Variants in POU6F2 observed in about 807,000 individuals in gnomAD.
POU6F2 encodes the protein POU domain, class 6, transcription factor 2.
POU6F2 carries 31 observed loss-of-function variants against 71.3 expected under a neutral mutation model. The observed-to-expected ratio is 0.43, with a 90% confidence interval of 0.33 to 0.59. POU6F2 has a LOEUF of 0.59. Ranked by LOEUF, POU6F2 falls within the 20% of genes least tolerant of loss-of-function variation. The pLI, the probability that POU6F2 is intolerant of heterozygous loss-of-function variation, is 0.04. For synonymous variants in POU6F2, 347 were observed against 355.7 expected (o/e 0.98, Z 0.27); for missense variants, 783 against 856.8 (o/e 0.91, Z 1.07).
At chr7:39,416,212 TA>T (rs1787671016) in intron 6 of POU6F2, among the ~76,000 whole-genome samples, 1 of 152,150 alleles carries the variant, frequency 6.6e-6, no homozygotes, top group Non-Finnish European at 1.5e-5. Flanking sequence ...TTACTATGAT[TA>T]TTTTTGCTAA....
At chr7:39,257,981 G>A (rs1042043334) in intron 4 of POU6F2, among the ~76,000 whole-genome samples, 5 of 152,140 alleles carry the variant, frequency 3.3e-5, no homozygotes, top group Admixed American at 2.6e-4. Flanking sequence ...TACTATTTAC[G>A]TGTACATTTT....
intron 4 of POU6F2, among the ~76,000 whole-genome samples, chr7:39,269,083 T>C (rs1784299985): frequency 6.6e-6 from 1 of 152,206 alleles, no homozygotes; most frequent in Non-Finnish European, 1.5e-5. Context: ...TCTTTTTTGT[T>C]ATAGTTGAGG....
intron 1 of POU6F2, among the ~76,000 whole-genome samples, chr7:39,069,895 G>A (rs1584526995): frequency 3.3e-5 from 5 of 152,306 alleles, no homozygotes; most frequent in Non-Finnish European, 7.4e-5. Context: ...GAAAATTCAC[G>A]TATCAGTGGA....
intron 4 of POU6F2, among the ~76,000 whole-genome samples, chr7:39,284,491 A>G (rs1206210373): frequency 6.6e-6 from 1 of 152,254 alleles, no homozygotes; most frequent in East Asian, 1.9e-4. Context: ...TAATGTACAT[A>G]TGACCAGCTG....
rs370344611 is a variant in POU6F2, at chr7:39,245,844, G to A, written c.598+38224G>A. 7.0e-4 allele frequency among the ~76,000 whole-genome samples: 107 copies of A among 152,268 alleles called. 1 individual carries two copies. The South Asian group carries it at 0.021, about 30-fold the overall frequency. ...TGACCAAGAAGATCATGGTTCTGAT[G>A]CCTTTTGTTGCTGCCCTCACCACTA... On this transcript the variant is annotated intron_variant, in intron 4 of 9. Transcript: ENST00000518318.
intron 6 of POU6F2, among the ~76,000 whole-genome samples, chr7:39,425,249 C>T (rs574887537): frequency 1.3e-5 from 2 of 151,840 alleles, no homozygotes; most frequent in East Asian, 3.9e-4. Flanking sequence ...ACTTCTTCCC[C>T]AATAACTACA....
chr7:39,432,575 C>T (rs997275792), intron 6 of POU6F2, among the ~76,000 whole-genome samples: 28 of 152,006 alleles, frequency 1.8e-4, no homozygotes, highest in African/African-American at 6.3e-4. Context: ...CTGGGGGTAT[C>T]GGGGAGCCCC....
At chr7:39,261,448 G>C (rs11773042) in intron 4 of POU6F2, among the ~76,000 whole-genome samples, 134,315 of 152,262 alleles carry the variant, frequency 0.88, 59,621 homozygotes, top group Middle Eastern at 0.96. Flanking sequence ...TTTTGGCCAT[G>C]ATGAAGAATC....
In POU6F2 at chr7:39,465,078, A is replaced by G. The variant is rs998543109; in HGVS notation, c.*392A>G. The G allele has an allele frequency of 4.6e-5, 8 of 172,610 alleles. No homozygotes were observed. Among genetic ancestry groups the G allele is most frequent in the Non-Finnish European group, 1.0e-4 (8 of 80,332 alleles). 10.7% of individuals were successfully genotyped at this position (172,610 alleles called of 1,614,324 possible). On this transcript the variant is annotated 3_prime_UTR_variant, in exon 10 of 10. Coordinates refer to ENST00000518318, the MANE Select transcript of POU6F2 (RefSeq NM_001370959.1). ...ACACATTTTAAGGAAAAAGAAAAAA[A>G]AAAACTAAACCAAAAACCAACAACG...
rs1186100856 is a variant in POU6F2, at chr7:39,466,223, T to A, written c.*1537T>A. The A allele has an allele frequency of 6.6e-6, 1 of 152,120 alleles. No individual in the cohort carries two copies. The highest frequency in any genetic ancestry group is 2.4e-5 in the African/African-American group (1 of 41,416). 9.4% of individuals were successfully genotyped at this position (152,120 alleles called of 1,614,324 possible). ...AAGCTTTCACCAAAAGAAAAAAATA[T>A]AGAAGGGGCTTATCTAACAATCAGA... On this transcript the variant is annotated 3_prime_UTR_variant, in exon 10 of 10. Transcript: ENST00000518318.
At chr7:39,111,531 T>G (rs1304375670) in intron 2 of POU6F2, among the ~76,000 whole-genome samples, 1 of 152,194 alleles carries the variant, frequency 6.6e-6, no homozygotes, top group Non-Finnish European at 1.5e-5. Context: ...CATAATTCAT[T>G]CAACAAATAT....
Position 39,204,237 on chromosome 7 carries a change from G to A in POU6F2, c.280G>A (p.Ala94Thr). 1 of 1,613,222 alleles carries A rather than the reference G, an allele frequency of 6.2e-7. No individual in the cohort carries two copies. The change falls in exon 3 of 10, where the codon GCT becomes ACT. Residue 94 changes from alanine (A) to threonine (T), a missense_variant and splice_region_variant. By Grantham distance (58) the Ala-to-Thr change is moderately conservative. Around this residue, in one of 2 missense-constraint regions of POU6F2, gnomAD observed 572 missense variants for 572.9 expected, o/e 1.00. Transcript: ENST00000518318. ...AGTATTTCTCTTTTGAATTCCAGGG[G>A]CTAGAGGAAACCCAGCATTATCAGA... ...SEDTPSKLFG[A>T]RGNPALSDPG...
chr7:39,279,725 A>G (rs894673922), intron 4 of POU6F2, among the ~76,000 whole-genome samples: 1 of 151,836 alleles, frequency 6.6e-6, no homozygotes, highest in Non-Finnish European at 1.5e-5. Flanking sequence ...GTTTGTGTCC[A>G]AATTTTCCCT....
intron 1 of POU6F2, among the ~76,000 whole-genome samples, chr7:39,015,188 G>C (rs1434271944): frequency 6.8e-6 from 1 of 147,906 alleles, no homozygotes; most frequent in Non-Finnish European, 1.5e-5. Flanking sequence ...AAAAAAGATG[G>C]CTATTAATGG....
chr7:39,354,937 C>T (rs1018121999), intron 5 of POU6F2, among the ~76,000 whole-genome samples: 3 of 152,248 alleles, frequency 2.0e-5, no homozygotes, highest in African/African-American at 7.2e-5. Flanking sequence ...TAAGAGCTCT[C>T]TTCTTGACCA....
At chr7:39,272,080 A>G (rs561947344) in intron 4 of POU6F2, among the ~76,000 whole-genome samples, 5 of 152,294 alleles carry the variant, frequency 3.3e-5, no homozygotes, top group Admixed American at 2.6e-4. Context: ...TTGGAGATAA[A>G]TTTAAATATT....
chr7:39,296,158 C>G (rs1784840147), intron 4 of POU6F2, among the ~76,000 whole-genome samples: 1 of 152,144 alleles, frequency 6.6e-6, no homozygotes, highest in Non-Finnish European at 1.5e-5. Flanking sequence ...TACATAGATT[C>G]CTGCTGTACA....
intron 4 of POU6F2, among the ~76,000 whole-genome samples, chr7:39,238,437 G>A (rs10951598): frequency 0.24 from 36,389 of 151,966 alleles, 5,243 homozygotes; most frequent in African/African-American, 0.41. Context: ...TGTTTTTCTA[G>A]ATAAAGCTTT....
chr7:39,012,678 G>C (rs566603445), intron 1 of POU6F2, among the ~76,000 whole-genome samples: 6 of 152,264 alleles, frequency 3.9e-5, no homozygotes, highest in Middle Eastern at 3.4e-3. Context: ...GGTCTTTGAT[G>C]ATGATGATGT....
Sources: allele counts gnomAD v4.1 joint callset (sites outside exome capture counted in the v4.1 genomes callset), GRCh38; gene constraint gnomAD v4.1.1; regional missense constraint gnomAD v4.1.1; transcripts MANE v1.5; gene names NCBI Gene and HGNC (gene_info 2026-07-23, HGNC 2026-07-21).